Variants in EFCAB7 observed in about 807,000 individuals in gnomAD.
EFCAB7 encodes EF-hand calcium-binding domain-containing protein 7.
In EFCAB7, 66 loss-of-function variants were observed where a neutral mutation model predicts 77.1. That is an observed-to-expected ratio of 0.86 (90% CI 0.70 to 1.05). EFCAB7 has a LOEUF of 1.05. Ranked by LOEUF, EFCAB7 falls within the 50% of genes least tolerant of loss-of-function variation. EFCAB7 has a pLI of 0.00. For synonymous variants in EFCAB7, 225 were observed against 243.3 expected, an observed-to-expected ratio of 0.92 and a Z score of 0.70; for missense variants, 638 against 730.5, an observed-to-expected ratio of 0.87 and a Z score of 1.46.
intron 11 of EFCAB7, 58 bp from the exon 12 acceptor site, chr1:63,568,252 T>C: frequency 1.4e-6 from 2 of 1,391,632 alleles, no homozygotes; most frequent in South Asian, 2.7e-5. Flanking sequence ...GGTAACATAT[T>C]AATAATTTAT....
chr1:63,563,451 C>T (rs1647134215), intron 11 of EFCAB7, among the ~76,000 whole-genome samples: 2 of 152,192 alleles, frequency 1.3e-5, no homozygotes, highest in South Asian at 2.1e-4. Flanking sequence ...GCAGAATGCT[C>T]ATTTATATAG....
intron 8 of EFCAB7, among the ~76,000 whole-genome samples, chr1:63,554,784 A>G (rs1432714442): frequency 6.6e-6 from 1 of 152,236 alleles, no homozygotes; most frequent in Non-Finnish European, 1.5e-5. Context: ...TATAGTCCAT[A>G]TTACATTAAA....
intron 13 of EFCAB7, among the ~76,000 whole-genome samples, chr1:63,571,700 A>G (rs1231886813): frequency 6.6e-6 from 1 of 151,318 alleles, no homozygotes; most frequent in African/African-American, 2.4e-5. Flanking sequence ...AAAAAAGATA[A>G]TATCACTAGT....
intron 1 of EFCAB7, among the ~76,000 whole-genome samples, chr1:63,525,053 A>ACT (rs201923301): frequency 6.6e-6 from 1 of 152,098 alleles, no homozygotes; most frequent in East Asian, 1.9e-4. Context: ...GTCAACTACC[A>ACT]CTCATATCCC....
intron 6 of EFCAB7, among the ~76,000 whole-genome samples, chr1:63,545,043 C>T (rs1484223686): frequency 6.0e-5 from 9 of 150,144 alleles, no homozygotes; most frequent in Admixed American, 2.7e-4. Context: ...CTCAGCCTCC[C>T]GAGTAGCTGG....
chr1:63,558,922 C>T (rs1390462827), intron 10 of EFCAB7, among the ~76,000 whole-genome samples: 1 of 151,512 alleles, frequency 6.6e-6, no homozygotes, highest in Non-Finnish European at 1.5e-5. Flanking sequence ...GTGGCTCATG[C>T]CTATAATCCT....
chr1:63,571,228 A>G, intron 13 of EFCAB7, 100 bp downstream of exon 13: 1 of 729,560 alleles, frequency 1.4e-6, no homozygotes, highest in South Asian at 1.9e-5. Flanking sequence ...ATGGAGTGGA[A>G]AATTATTTTA....
At chr1:63,545,041 C>T (rs926657249) in intron 6 of EFCAB7, among the ~76,000 whole-genome samples, 3 of 151,104 alleles carry the variant, frequency 2.0e-5, no homozygotes, top group African/African-American at 7.3e-5. Context: ...GCCTCAGCCT[C>T]CCGAGTAGCT....
chr1:63,538,092 T>G (rs945339554), intron 6 of EFCAB7, among the ~76,000 whole-genome samples: 2 of 152,024 alleles, frequency 1.3e-5, no homozygotes, highest in African/African-American at 4.8e-5. Context: ...ATAAAGGAAA[T>G]AACAGTTCAG....
At chr1:63,571,181 T>A (rs1647247467) in intron 13 of EFCAB7, 53 bp downstream of exon 13, 8 of 1,299,096 alleles carry the variant, frequency 6.2e-6, no homozygotes, top group South Asian at 2.6e-5. Flanking sequence ...TTGAAAAAAA[T>A]TTGCTATTAA....
At chr1:63,556,895 A>T (rs894792858) in intron 9 of EFCAB7, among the ~76,000 whole-genome samples, 2 of 150,572 alleles carry the variant, frequency 1.3e-5, no homozygotes, top group African/African-American at 4.9e-5. Flanking sequence ...AAAATTAGCC[A>T]GGTGTGGTGG....
At chr1:63,530,488 GTTAC>G (rs1570379159) in intron 2 of EFCAB7, among the ~76,000 whole-genome samples, 1 of 152,310 alleles carries the variant, frequency 6.6e-6, no homozygotes, top group East Asian at 1.9e-4. Context: ...AAATTACCAA[GTTAC>G]TTCTATTCAA....
chr1:63,528,495 A>C (rs190602437), intron 2 of EFCAB7, among the ~76,000 whole-genome samples: 1 of 152,300 alleles, frequency 6.6e-6, no homozygotes, highest in Admixed American at 6.5e-5. Context: ...AATAAGACCT[A>C]GTATTTAGCT....
At chr1:63,524,284 A>T (rs563839703) in intron 1 of EFCAB7, among the ~76,000 whole-genome samples, 1 of 152,212 alleles carries the variant, frequency 6.6e-6, no homozygotes. Flanking sequence ...GCATGCACAC[A>T]TATGTGTTTA....
rs1647192510 is a variant in EFCAB7 at position 63,568,308 on chromosome 1, A to G, written c.1498-2A>G. ...TGAAACAAGATTTTTTTTTCCTATC[A>G]GGCATGTCCATTTGTCATTGATATC... On this transcript the variant is annotated splice_acceptor_variant, in intron 11 of 13. Transcript: ENST00000371088. LOFTEE classifies it high-confidence loss of function. The G allele has an allele frequency of 4.4e-6, 7 of 1,592,486 alleles. No individual in the cohort carries two copies. Among genetic ancestry groups the G allele is most frequent in the Non-Finnish European group, 6.0e-6 (7 of 1,172,738 alleles).
intron 11 of EFCAB7, among the ~76,000 whole-genome samples, chr1:63,565,291 A>G (rs7526818): frequency 0.25 from 38,455 of 151,726 alleles, 6,496 homozygotes; most frequent in African/African-American, 0.49. Flanking sequence ...CCCGGGAGAC[A>G]GAGCTTGCAG....
intron 2 of EFCAB7, among the ~76,000 whole-genome samples, chr1:63,526,220 T>C (rs972775715): frequency 1.3e-5 from 2 of 152,130 alleles, no homozygotes; most frequent in Non-Finnish European, 2.9e-5. Flanking sequence ...ATTTCTTATT[T>C]TTATTTTTTG....
At chr1:63,533,426 T>A in intron 4 of EFCAB7, 28 bp from the exon 5 acceptor site, 5 of 1,567,094 alleles carry the variant, frequency 3.2e-6, no homozygotes, top group Non-Finnish European at 4.3e-6. Flanking sequence ...TTGAATGTTT[T>A]ACCCACTGGA....
chr1:63,580,417 C>A, the EFCAB7 span, among the ~76,000 whole-genome samples: 1 of 152,174 alleles, frequency 6.6e-6, no homozygotes, highest in East Asian at 1.9e-4. Context: ...GAACTCTATT[C>A]TGTTCCATTG....
Sources: allele counts gnomAD v4.1 joint callset (sites outside exome capture counted in the v4.1 genomes callset), GRCh38; gene constraint gnomAD v4.1.1; transcripts MANE v1.5; gene names NCBI Gene and HGNC (gene_info 2026-07-23, HGNC 2026-07-21).